COMMD1: variants seen among roughly 807,000 people sequenced by gnomAD.
COMMD1 encodes COMM domain-containing protein 1.
A neutral mutation model predicts 17.2 loss-of-function variants in COMMD1; 10 were observed. That is an observed-to-expected ratio of 0.58 (90% CI 0.36 to 0.99). The LOEUF (loss-of-function observed/expected upper bound fraction) is 0.99. Among genes scored for constraint, COMMD1 ranks in the 50% least tolerant of loss-of-function variants. COMMD1 has a pLI of 0.01. For synonymous variants in COMMD1, 97 were observed against 91.6 expected (o/e 1.06, Z -0.34); for missense variants, 270 against 231.8 (o/e 1.17, Z -1.07).
intron 2 of COMMD1, among the ~76,000 whole-genome samples, chr2:62,043,999 GA>G (rs1670307229): frequency 1.3e-5 from 2 of 152,270 alleles, no homozygotes; most frequent in African/African-American, 4.8e-5. Context: ...AGGTGGGGGA[GA>G]GGGGGAATCC....
At chr2:61,890,049 C>T (rs1359133076) in intron 1 of COMMD1, among the ~76,000 whole-genome samples, 3 of 152,054 alleles carry the variant, frequency 2.0e-5, no homozygotes, top group Admixed American at 1.3e-4. Flanking sequence ...CTGCTGGTCT[C>T]CTATGACCAC....
chr2:62,067,557 T>C (rs987432551), intron 2 of COMMD1, among the ~76,000 whole-genome samples: 6 of 152,208 alleles, frequency 3.9e-5, no homozygotes, highest in Non-Finnish European at 8.8e-5. Flanking sequence ...TAGTTTTACA[T>C]GACATGGAAG....
chr2:61,930,632 T>TGTGA (rs1204400170), intron 1 of COMMD1, among the ~76,000 whole-genome samples: 1 of 151,524 alleles, frequency 6.6e-6, no homozygotes, highest in Non-Finnish European at 1.5e-5. Flanking sequence ...TGTGTGTGTG[T>TGTGA]GTGTGTGTGT....
chr2:62,113,052 C>T (rs1230182005), intron 2 of COMMD1, among the ~76,000 whole-genome samples: 1 of 152,104 alleles, frequency 6.6e-6, no homozygotes, highest in Non-Finnish European at 1.5e-5. Flanking sequence ...TTAAAGATGT[C>T]TACAAAAGCA....
intron 2 of COMMD1, among the ~76,000 whole-genome samples, chr2:62,044,348 A>G (rs752664699): frequency 2.0e-5 from 3 of 152,142 alleles, no homozygotes; most frequent in Admixed American, 1.3e-4. Context: ...TTTCAAGGAG[A>G]GATCTTTATG....
At chr2:62,042,628 G>C (rs772029908) in intron 2 of COMMD1, among the ~76,000 whole-genome samples, 1 of 152,154 alleles carries the variant, frequency 6.6e-6, no homozygotes, top group African/African-American at 2.4e-5. Context: ...CCGCGAGCAG[G>C]GGGAGCCGGC....
rs1672348087 is a variant in COMMD1 at position 62,107,427 on chromosome 2, C to T, written c.463-28404C>T. Reference sequence around the variant, plus strand: ...GAAACATGAGCTGGTGGAGGCATATCTCCACTTGGTGAATATGGATGGCAG... The same window carrying T: ...GAAACATGAGCTGGTGGAGGCATATTTCCACTTGGTGAATATGGATGGCAG... On this transcript the variant is annotated intron_variant, in intron 2 of 2. Coordinates refer to ENST00000311832, the MANE Select transcript of COMMD1 (RefSeq NM_152516.4). 3.3e-5 allele frequency among the ~76,000 whole-genome samples: 5 copies of T among 152,122 alleles called. No individual in the cohort carries two copies. In the South Asian group the frequency reaches 8.3e-4, roughly 25 times the overall value.
At chr2:62,017,712 C>T (rs113593982) in intron 2 of COMMD1, among the ~76,000 whole-genome samples, 3 of 150,940 alleles carry the variant, frequency 2.0e-5, no homozygotes, top group African/African-American at 7.3e-5. Flanking sequence ...TATCTTTTGG[C>T]TGTGTGGCTC....
intron 1 of COMMD1, among the ~76,000 whole-genome samples, chr2:61,957,289 G>C (rs1446330404): frequency 1.3e-5 from 2 of 151,968 alleles, no homozygotes. Flanking sequence ...TTGTGAGAGT[G>C]GTCTTTCTGC....
At chr2:62,105,057 G>A (rs1264119666) in intron 2 of COMMD1, among the ~76,000 whole-genome samples, 1 of 151,418 alleles carries the variant, frequency 6.6e-6, no homozygotes, top group Admixed American at 6.6e-5. Context: ...CCTGGGAGGT[G>A]GAGGTTGCGG....
At chr2:61,930,345 C>T (rs1473145984) in intron 1 of COMMD1, among the ~76,000 whole-genome samples, 1 of 152,070 alleles carries the variant, frequency 6.6e-6, no homozygotes, top group African/African-American at 2.4e-5. Flanking sequence ...ATCATGAGGT[C>T]AGGAGTTCAA....
intron 2 of COMMD1, among the ~76,000 whole-genome samples, chr2:62,066,937 G>T (rs1397463989): frequency 6.7e-6 from 1 of 149,460 alleles, no homozygotes; most frequent in Non-Finnish European, 1.5e-5. Context: ...TGTTGGCCAG[G>T]CTGATCACAA....
At chr2:62,011,422 T>C (rs1224545147) in intron 2 of COMMD1, among the ~76,000 whole-genome samples, 1 of 152,236 alleles carries the variant, frequency 6.6e-6, no homozygotes, top group East Asian at 1.9e-4. Context: ...GTTTTTCTTC[T>C]TGTTACTTAT....
chr2:62,044,565 A>C (rs1670327794), intron 2 of COMMD1, among the ~76,000 whole-genome samples: 3 of 152,212 alleles, frequency 2.0e-5, no homozygotes, highest in Admixed American at 2.0e-4. Flanking sequence ...CTTTCCTCCA[A>C]AAAAGCTTCC....
At chr2:61,899,254 C>T (rs1020937724) in intron 1 of COMMD1, among the ~76,000 whole-genome samples, 1 of 152,098 alleles carries the variant, frequency 6.6e-6, no homozygotes, top group African/African-American at 2.4e-5. Context: ...CCTCCCTTTA[C>T]CAGAAGGAAG....
At chr2:62,065,657 A>AT (rs1359980710) in intron 2 of COMMD1, among the ~76,000 whole-genome samples, 5 of 152,096 alleles carry the variant, frequency 3.3e-5, no homozygotes, top group Non-Finnish European at 5.9e-5. Context: ...TGGAAATTTA[A>AT]TTGTTGCTTT....
chr2:62,126,814 G>A (rs750616378), intron 2 of COMMD1, among the ~76,000 whole-genome samples: 9 of 152,024 alleles, frequency 5.9e-5, no homozygotes, highest in Non-Finnish European at 1.2e-4. Flanking sequence ...CTTGAAAACC[G>A]GCATAAGACA....
rs1028906130 is a variant in COMMD1 at position 62,126,214 on chromosome 2, T to C, written c.463-9617T>C. Among the ~76,000 whole-genome samples the C allele has an allele frequency of 3.9e-5, 6 of 152,226 alleles. No individual in the cohort carries two copies. In the South Asian group the frequency reaches 1.2e-3, roughly 32 times the overall value. ...GATTCCATGTCTTTGCTGTTGTGAA[T>C]AGTGCTGCAGTGAACATATATGTGC... On this transcript the variant is annotated intron_variant, in intron 2 of 2. Transcript: ENST00000311832.
intron 1 of COMMD1, among the ~76,000 whole-genome samples, chr2:61,988,410 T>C (rs1318457223): frequency 1.3e-5 from 2 of 152,156 alleles, no homozygotes; most frequent in Non-Finnish European, 2.9e-5. Flanking sequence ...CTTCCCTTCA[T>C]AGCAACTGGT....
Sources: allele counts gnomAD v4.1 joint callset (sites outside exome capture counted in the v4.1 genomes callset), GRCh38; gene constraint gnomAD v4.1.1; transcripts MANE v1.5; gene names NCBI Gene and HGNC (gene_info 2026-07-23, HGNC 2026-07-21).